FSTL5: variants seen among roughly 807,000 people sequenced by gnomAD.
FSTL5 encodes follistatin like 5, also known as follistatin-related protein 5.
FSTL5 carries 62 observed loss-of-function variants against 89.1 expected under a neutral mutation model. The ratio of observed to expected loss-of-function variants is 0.70; its 90% confidence interval spans 0.57 to 0.86. The LOEUF is 0.86. FSTL5 is among the 40% of genes least tolerant of loss of function. The probability of loss-of-function intolerance (pLI) is 0.00; values close to 1 mark genes in which losing one functional copy is unlikely to be tolerated. For missense variants in FSTL5, 1,057 were observed against 1,001.6 expected, an observed-to-expected ratio of 1.06 and a Z score of -0.75; for synonymous variants, 383 against 346.2, an observed-to-expected ratio of 1.11 and a Z score of -1.18.
chr4:161,554,339 T>C (rs1203272605), intron 8 of FSTL5, among the ~76,000 whole-genome samples: 1 of 151,548 alleles, frequency 6.6e-6, no homozygotes, highest in Non-Finnish European at 1.5e-5. Context: ...AAGAATCTAA[T>C]AGAATTTATT....
chr4:161,860,085 T>C (rs150136695), intron 4 of FSTL5, among the ~76,000 whole-genome samples: 2 of 152,086 alleles, frequency 1.3e-5, no homozygotes, highest in Non-Finnish European at 2.9e-5. Flanking sequence ...TCAGGAGATC[T>C]AGACCATCCT....
chr4:161,961,710 C>G (rs1735183646), intron 3 of FSTL5, among the ~76,000 whole-genome samples: 1 of 151,608 alleles, frequency 6.6e-6, no homozygotes, highest in African/African-American at 2.4e-5. Context: ...AAAAAAAGAA[C>G]AATATCAATT....
At chr4:161,916,406 T>G (rs184276740) in intron 4 of FSTL5, among the ~76,000 whole-genome samples, 14 of 152,318 alleles carry the variant, frequency 9.2e-5, no homozygotes, top group African/African-American at 3.4e-4. Flanking sequence ...AAGGAAATTG[T>G]ACTTGCTTTA....
At chr4:162,152,841 C>G (rs1426683200) in intron 1 of FSTL5, among the ~76,000 whole-genome samples, 1 of 150,640 alleles carries the variant, frequency 6.6e-6, no homozygotes, top group Non-Finnish European at 1.5e-5. Flanking sequence ...TTGCAACATG[C>G]TCTGTATAGT....
At chr4:161,826,657 T>C (rs1730679211) in intron 4 of FSTL5, among the ~76,000 whole-genome samples, 1 of 152,188 alleles carries the variant, frequency 6.6e-6, no homozygotes, top group Non-Finnish European at 1.5e-5. Context: ...TTTCTTTGTG[T>C]TTTTTATGGC....
At chr4:162,121,031 G>T (rs994271350) in intron 1 of FSTL5, among the ~76,000 whole-genome samples, 1 of 151,530 alleles carries the variant, frequency 6.6e-6, no homozygotes, top group African/African-American at 2.4e-5. Context: ...TATAGTTATG[G>T]TTCTAGTTAT....
intron 3 of FSTL5, among the ~76,000 whole-genome samples, chr4:161,940,096 A>G (rs770765126): frequency 4.0e-5 from 6 of 151,812 alleles, no homozygotes; most frequent in South Asian, 2.1e-4. Flanking sequence ...CAGTTATTGT[A>G]AGAGCCAGAA....
rs114818692 is a variant in FSTL5, at chr4:161,639,819, T to C, written c.894+16509A>G. 7.3e-3 allele frequency among the ~76,000 whole-genome samples: 1,119 copies of C among 152,296 alleles called. 13 individuals are homozygous for C. The highest frequency in any genetic ancestry group is 0.025 in the African/African-American group (1,051 of 41,566). ...TCATTGAAATATTGGGGATTTGTAC[T>C]CTGAATCGTGCTTCTGATCCCACAG... On this transcript the variant is annotated intron_variant, in intron 7 of 15. Transcript: ENST00000306100.
intron 4 of FSTL5, among the ~76,000 whole-genome samples, chr4:161,854,962 T>C (rs1731677878): frequency 6.6e-6 from 1 of 151,820 alleles, no homozygotes; most frequent in Non-Finnish European, 1.5e-5. Flanking sequence ...AAGTCAATCT[T>C]CACAATTCTT....
chr4:161,902,719 G>A (rs776932042), intron 4 of FSTL5, among the ~76,000 whole-genome samples: 4 of 151,910 alleles, frequency 2.6e-5, no homozygotes, highest in Non-Finnish European at 5.9e-5. Flanking sequence ...CGTGATGGTG[G>A]GCGCCTGTAA....
intron 4 of FSTL5, among the ~76,000 whole-genome samples, chr4:161,822,423 T>G (rs567452938): frequency 2.6e-5 from 4 of 152,296 alleles, no homozygotes; most frequent in African/African-American, 9.6e-5. Context: ...CTGGCCACTG[T>G]GCACAGCCAG....
intron 7 of FSTL5, among the ~76,000 whole-genome samples, chr4:161,627,156 A>G (rs1171622488): frequency 6.6e-6 from 1 of 152,218 alleles, no homozygotes; most frequent in Non-Finnish European, 1.5e-5. Flanking sequence ...TATGCTGCAG[A>G]GAAATCTTTC....
chr4:161,823,746 C>A (rs969428883), intron 4 of FSTL5, among the ~76,000 whole-genome samples: 1 of 152,218 alleles, frequency 6.6e-6, no homozygotes, highest in East Asian at 1.9e-4. Context: ...GCTGCAGCTG[C>A]TGTCTTCACA....
At chr4:162,079,774 G>T (rs1561007567) in intron 2 of FSTL5, among the ~76,000 whole-genome samples, 1 of 151,266 alleles carries the variant, frequency 6.6e-6, no homozygotes, top group Non-Finnish European at 1.5e-5. Context: ...TACATAATCA[G>T]AATATTCAAT....
intron 7 of FSTL5, among the ~76,000 whole-genome samples, chr4:161,649,578 CA>C (rs1183776530): frequency 2.0e-5 from 3 of 152,232 alleles, no homozygotes; most frequent in African/African-American, 4.8e-5. Flanking sequence ...AATATCTAAT[CA>C]ATTCAGAAAA....
chr4:161,444,607 T>C (rs1732882822), intron 15 of FSTL5, among the ~76,000 whole-genome samples: 2 of 151,832 alleles, frequency 1.3e-5, no homozygotes, highest in African/African-American at 4.8e-5. Flanking sequence ...GATTTATTAA[T>C]ATTGGGGAGA....
At chr4:161,662,046 T>A (rs1458980437) in intron 6 of FSTL5, among the ~76,000 whole-genome samples, 1 of 152,150 alleles carries the variant, frequency 6.6e-6, no homozygotes, top group Non-Finnish European at 1.5e-5. Context: ...ACAGCAATAC[T>A]TAGATGTTCT....
intron 3 of FSTL5, among the ~76,000 whole-genome samples, chr4:161,949,195 C>T (rs1015481229): frequency 1.3e-5 from 2 of 152,044 alleles, no homozygotes; most frequent in Non-Finnish European, 2.9e-5. Flanking sequence ...TCTCCTTTGG[C>T]TGTCATTCTC....
intron 3 of FSTL5, among the ~76,000 whole-genome samples, chr4:161,977,176 G>A (rs1282486638): frequency 1.3e-5 from 2 of 152,178 alleles, no homozygotes; most frequent in Admixed American, 1.3e-4. Context: ...ATTGCTGCAA[G>A]TTGGTAACTG....
Sources: allele counts gnomAD v4.1 joint callset (sites outside exome capture counted in the v4.1 genomes callset), GRCh38; gene constraint gnomAD v4.1.1; transcripts MANE v1.5; gene names NCBI Gene and HGNC (gene_info 2026-07-23, HGNC 2026-07-21).